The following PTPRM variants were observed in gnomAD, a reference collection of about 807,000 sequenced individuals.
PTPRM encodes the protein protein tyrosine phosphatase receptor type M.
PTPRM carries 47 observed loss-of-function variants against 186.7 expected under a neutral mutation model. The observed-to-expected ratio is 0.25, with a 90% CI of 0.20 to 0.32. PTPRM has a LOEUF of 0.32. Among genes scored for constraint, PTPRM ranks in the 10% least tolerant of loss-of-function variants. The pLI is 1.00. For synonymous variants in PTPRM, 668 were observed against 674.9 expected (o/e 0.99, Z 0.16); for missense variants, 1,494 against 1,865.0 (o/e 0.80, Z 3.66).
chr18:7,890,995 G>A (rs1198655872), intron 3 of PTPRM, among the ~76,000 whole-genome samples: 1 of 151,944 alleles, frequency 6.6e-6, no homozygotes, highest in Non-Finnish European at 1.5e-5. Flanking sequence ...GTGGTATCTT[G>A]GCAGGGCACA....
At chr18:8,041,842 G>A (rs583909) in intron 7 of PTPRM, among the ~76,000 whole-genome samples, 95,824 of 152,046 alleles carry the variant, frequency 0.63, 30,351 homozygotes, top group African/African-American at 0.65. Context: ...CTTCATGCAA[G>A]GGAAAGAAAA....
intron 14 of PTPRM, among the ~76,000 whole-genome samples, chr18:8,164,590 C>T (rs2093288881): frequency 6.6e-6 from 1 of 152,130 alleles, no homozygotes; most frequent in Non-Finnish European, 1.5e-5. Flanking sequence ...ATGAAATAAG[C>T]CAGTCACAGG....
intron 1 of PTPRM, among the ~76,000 whole-genome samples, chr18:7,664,092 A>G (rs754747444): frequency 7.2e-5 from 11 of 152,232 alleles, no homozygotes; most frequent in Non-Finnish European, 1.3e-4. Flanking sequence ...GTCACCTGTC[A>G]TACATGTCAG....
At chr18:8,042,200 C>T (rs572539738) in intron 7 of PTPRM, among the ~76,000 whole-genome samples, 1 of 152,138 alleles carries the variant, frequency 6.6e-6, no homozygotes, top group Non-Finnish European at 1.5e-5. Context: ...TATTAAAATA[C>T]ATTAGAATTT....
At position 8,115,029 on chromosome 18, in the gene PTPRM, C is replaced by T. The variant is rs73941032; in HGVS notation, c.2167+202C>T. Among the ~76,000 whole-genome samples, 166 of 151,822 alleles carry T rather than the reference C, an allele frequency of 1.1e-3. 1 individual carries two copies. The highest frequency in any genetic ancestry group is 3.9e-3 in the African/African-American group (162 of 41,228). On this transcript the variant is annotated intron_variant, in intron 13 of 32. Coordinates refer to ENST00000580170, the MANE Select transcript of PTPRM (RefSeq NM_001105244.2). ...TGACTGACTGGAACTCATATAGATACTTTTTAAAATAAGAAGCTATATTTC... is the reference window on the plus strand; with the variant it reads ...TGACTGACTGGAACTCATATAGATATTTTTTAAAATAAGAAGCTATATTTC...
intron 1 of PTPRM, among the ~76,000 whole-genome samples, chr18:7,656,925 C>T (rs927916081): frequency 2.0e-4 from 30 of 152,020 alleles, no homozygotes; most frequent in African/African-American, 5.3e-4. Context: ...TCTTCCTTCC[C>T]CAGTTCTTTC....
intron 11 of PTPRM, among the ~76,000 whole-genome samples, chr18:8,112,208 G>A (rs1364704500): frequency 6.6e-6 from 1 of 152,202 alleles, no homozygotes; most frequent in Non-Finnish European, 1.5e-5. Flanking sequence ...AAATCAGTCT[G>A]ATATTCTAAA....
rs529810613 is a variant in PTPRM at position 8,355,769 on chromosome 18, T to C, written c.3054+12249T>C. ...TTCAGGAAAAGGGAAAAGAATATTATAAGCTCAAAATGTTGATGTGAAGAG... is the reference window on the plus strand; with the variant it reads ...TTCAGGAAAAGGGAAAAGAATATTACAAGCTCAAAATGTTGATGTGAAGAG... On this transcript the variant is annotated intron_variant, in intron 23 of 32. Transcript: ENST00000580170. 1.4e-4 allele frequency among the ~76,000 whole-genome samples: 21 copies of C among 152,300 alleles called. No homozygotes were observed. The South Asian group carries it at 3.3e-3, about 24-fold the overall frequency.
Position 8,165,178 on chromosome 18 carries a change from A to G in PTPRM, c.2300+21399A>G, listed in dbSNP as rs559628553. ...GCAAGACTCCATCTCAAAAAAAAAA[A>G]AAAAAGAAAGAAAGAAAGAAATGTT... On this transcript the variant is annotated intron_variant, in intron 14 of 32. Transcript: ENST00000580170. Among the ~76,000 whole-genome samples, 5 of 152,102 alleles carry G rather than the reference A, an allele frequency of 3.3e-5. No homozygotes were observed. In the East Asian group the frequency reaches 9.7e-4, roughly 29 times the overall value.
chr18:7,661,703 A>G (rs1652818855), intron 1 of PTPRM, among the ~76,000 whole-genome samples: 1 of 152,232 alleles, frequency 6.6e-6, no homozygotes, highest in South Asian at 2.1e-4. Context: ...AACTCCTGCC[A>G]CATGCAAAAT....
chr18:8,012,553 A>C (rs116235823), intron 7 of PTPRM, among the ~76,000 whole-genome samples: 3,774 of 152,292 alleles, frequency 0.025, 151 homozygotes, highest in African/African-American at 0.087. Flanking sequence ...CACCCAGGCT[A>C]TGTGGTGTTG....
At chr18:8,288,895 C>G (rs1379222262) in intron 19 of PTPRM, among the ~76,000 whole-genome samples, 11 of 152,150 alleles carry the variant, frequency 7.2e-5, no homozygotes. Flanking sequence ...CAGGAAGCAT[C>G]GCTGTGCAGG....
intron 8 of PTPRM, among the ~76,000 whole-genome samples, chr18:8,070,936 T>G (rs983963361): frequency 4.6e-5 from 7 of 152,254 alleles, no homozygotes; most frequent in African/African-American, 1.7e-4. Flanking sequence ...ATGTTTAGAC[T>G]ACTTTATCGT....
intron 1 of PTPRM, among the ~76,000 whole-genome samples, chr18:7,589,207 C>T (rs931515069): frequency 1.1e-4 from 17 of 152,252 alleles, no homozygotes; most frequent in East Asian, 1.9e-4. Flanking sequence ...AGCCCTCCAG[C>T]GAATGTCTGT....
chr18:7,614,106 T>C (rs1051174943), intron 1 of PTPRM, among the ~76,000 whole-genome samples: 5 of 152,182 alleles, frequency 3.3e-5, no homozygotes, highest in African/African-American at 1.2e-4. Flanking sequence ...CAGAATACTT[T>C]AGGGTAAGGA....
chr18:7,589,212 G>A (rs551838056), intron 1 of PTPRM, among the ~76,000 whole-genome samples: 2 of 152,312 alleles, frequency 1.3e-5, no homozygotes, highest in South Asian at 4.1e-4. Context: ...TCCAGCGAAT[G>A]TCTGTTGTTT....
chr18:7,919,236 C>G (rs563377266), intron 4 of PTPRM, among the ~76,000 whole-genome samples: 1 of 152,046 alleles, frequency 6.6e-6, no homozygotes, highest in Non-Finnish European at 1.5e-5. Flanking sequence ...TATGATGCCT[C>G]CAGCTTTTTT....
chr18:7,585,096 G>C (rs1279982287), intron 1 of PTPRM, among the ~76,000 whole-genome samples: 1 of 152,216 alleles, frequency 6.6e-6, no homozygotes, highest in Non-Finnish European at 1.5e-5. Flanking sequence ...GGAAAGATCC[G>C]TGGGAAAACT....
Position 7,892,604 on chromosome 18 carries a change from T to G in PTPRM, c.468+4227T>G, listed in dbSNP as rs1436149326. Reference sequence around the variant, plus strand: ...TTTGCCAAATTAAGTTAGAAGTTTTTTCTCATAGCTTTTTGGTTCATTTTT... The same window carrying G: ...TTTGCCAAATTAAGTTAGAAGTTTTGTCTCATAGCTTTTTGGTTCATTTTT... On this transcript the variant is annotated intron_variant, in intron 3 of 32. Coordinates refer to ENST00000580170, the MANE Select transcript of PTPRM (RefSeq NM_001105244.2). 2.0e-5 allele frequency among the ~76,000 whole-genome samples: 3 copies of G among 152,214 alleles called. No individual in the cohort carries two copies. The East Asian group carries it at 5.8e-4, about 29-fold the overall frequency.
Sources: gnomAD v4.1 joint callset for allele counts (sites outside exome capture counted in the v4.1 genomes callset) on GRCh38, gnomAD v4.1.1 for gene constraint, MANE v1.5 for transcripts, NCBI Gene and HGNC (gene_info 2026-07-23, HGNC 2026-07-21) for gene names.